ULK4: variants seen among roughly 807,000 people sequenced by gnomAD.
ULK4 encodes unc-51 like kinase 4.
In ULK4, 133 loss-of-function variants were observed where a neutral mutation model predicts 160.6. That is an observed-to-expected ratio of 0.83 (90% confidence interval 0.72 to 0.96). The LOEUF (loss-of-function observed/expected upper bound fraction) is 0.96, where lower values mean the gene tolerates loss of function less well. Among genes scored for constraint, ULK4 ranks in the 40% least tolerant of loss-of-function variants. The pLI is 0.00. For missense variants in ULK4, 1,580 were observed against 1,499.5 expected (o/e 1.05, Z -0.89); for synonymous variants, 534 against 539.8 (o/e 0.99, Z 0.15).
At chr3:41,870,936 T>C (rs1697066548) in intron 17 of ULK4, among the ~76,000 whole-genome samples, 1 of 152,160 alleles carries the variant, frequency 6.6e-6, no homozygotes, top group South Asian at 2.1e-4. Flanking sequence ...TGGGGGTGGT[T>C]TCCCTCATGC....
chr3:41,564,300 C>T (rs2087707891), intron 32 of ULK4, among the ~76,000 whole-genome samples: 1 of 152,026 alleles, frequency 6.6e-6, no homozygotes, highest in African/African-American at 2.4e-5. Flanking sequence ...CTGTCGGCCC[C>T]TTCTGGGAGG....
chr3:41,405,062 T>C lies in ULK4; in HGVS notation c.3493-6798A>G, dbSNP rs116937157. On this transcript the variant is annotated intron_variant, in intron 34 of 36. Transcript: ENST00000301831. ...CATGACGCCAAGGTTTGGGGTATCA[T>C]TGCTCCCGTCACCCAGGTACTGAAT... Among the ~76,000 whole-genome samples the C allele has an allele frequency of 2.4e-3, 367 of 152,292 alleles. 2 individuals carry two copies. The highest frequency in any genetic ancestry group is 0.015 in the East Asian group (77 of 5,176).
chr3:41,556,482 C>T (rs2087305384), intron 32 of ULK4, among the ~76,000 whole-genome samples: 2 of 122,838 alleles, frequency 1.6e-5, no homozygotes, highest in African/African-American at 6.0e-5. Flanking sequence ...AGAAACTCTA[C>T]CAAACTTTTT....
chr3:41,773,722 T>C (rs2039496002), intron 21 of ULK4, among the ~76,000 whole-genome samples: 2 of 152,166 alleles, frequency 1.3e-5, no homozygotes, highest in Admixed American at 1.3e-4. Flanking sequence ...AAAAAACGAC[T>C]TTCAAGTTCA....
intron 32 of ULK4, among the ~76,000 whole-genome samples, chr3:41,545,483 C>A (rs1260206358): frequency 6.6e-6 from 1 of 152,168 alleles, no homozygotes; most frequent in African/African-American, 2.4e-5. Flanking sequence ...TTATTTCTGA[C>A]AAGAGGTCAG....
chr3:41,256,528 C>T (rs758366427), intron 35 of ULK4, among the ~76,000 whole-genome samples: 2 of 152,052 alleles, frequency 1.3e-5, no homozygotes, highest in African/African-American at 2.4e-5. Flanking sequence ...CAAATGGATG[C>T]GCATATGCAT....
intron 21 of ULK4, among the ~76,000 whole-genome samples, chr3:41,772,867 C>T (rs2039446830): frequency 6.6e-6 from 1 of 152,188 alleles, no homozygotes; most frequent in African/African-American, 2.4e-5. Flanking sequence ...AAAAGCTTAT[C>T]CACCATGATC....
chr3:41,795,757 G>A (rs936581414), intron 20 of ULK4, among the ~76,000 whole-genome samples: 1 of 152,194 alleles, frequency 6.6e-6, no homozygotes, highest in Non-Finnish European at 1.5e-5. Flanking sequence ...TTCATTTTGT[G>A]TGGAGAATCA....
Position 41,819,604 on chromosome 3 carries a change from C to G in ULK4, c.1765-98G>C. ...GCACAGCTCCAAGTATACAAACTAT[C>G]TAAAACTTAATAGTCTATTTAAAGT... is the stretch of plus-strand genomic sequence containing the variant. On this transcript the variant is annotated intron_variant, in intron 18 of 36. Transcript: ENST00000301831. The G allele has an allele frequency of 3.0e-6, 3 of 1,002,862 alleles. No homozygotes were observed. In the South Asian group the frequency reaches 4.6e-5, roughly 15 times the overall value. 62.1% of individuals were successfully genotyped at this position (1,002,862 alleles called of 1,614,324 possible).
At chr3:41,744,149 G>A (rs931683896) in intron 22 of ULK4, among the ~76,000 whole-genome samples, 2 of 151,708 alleles carry the variant, frequency 1.3e-5, no homozygotes, top group Admixed American at 6.6e-5. Context: ...CCAAAGAAAG[G>A]TAAGTAAAGA....
intron 34 of ULK4, among the ~76,000 whole-genome samples, chr3:41,411,163 C>G (rs2082401442): frequency 6.6e-6 from 1 of 152,122 alleles, no homozygotes; most frequent in Non-Finnish European, 1.5e-5. Flanking sequence ...AAAACAAAAT[C>G]CTAAGGTCCC....
intron 27 of ULK4, among the ~76,000 whole-genome samples, chr3:41,683,482 G>A (rs2035989723): frequency 6.6e-6 from 1 of 151,556 alleles, no homozygotes; most frequent in African/African-American, 2.4e-5. Context: ...ACTGATGGAA[G>A]GCCACCTGAA....
intron 32 of ULK4, among the ~76,000 whole-genome samples, chr3:41,505,503 T>C (rs760559940): frequency 5.3e-5 from 8 of 152,322 alleles, no homozygotes; most frequent in South Asian, 2.1e-4. Flanking sequence ...ATGAATATCC[T>C]AATGTTCAGT....
intron 32 of ULK4, among the ~76,000 whole-genome samples, chr3:41,517,264 C>G (rs931073099): frequency 6.6e-6 from 1 of 152,154 alleles, no homozygotes. Context: ...TGATTTGAAT[C>G]TATCCATCCC....
chr3:41,907,912 G>T lies in ULK4; in HGVS notation c.1115C>A (p.Ala372Glu), dbSNP rs1698630990. ...SSRPTPRTSTAVEVSPGEDMT... is the reference protein window; with the variant it reads ...SSRPTPRTSTEVEVSPGEDMT... ...ATCCTCACCAGGACTTACTTCCACT[G>T]CAGTGCTAGTTCTGGGAGTAGGACG... The change falls in exon 12 of 37, where the codon GCA becomes GAA. Residue 372 changes from alanine (A) to glutamate (E), a missense_variant. Ala to Glu is a moderately radical substitution (Grantham distance 107, BLOSUM62 -1). Transcript: ENST00000301831. The T allele has an allele frequency of 1.9e-6, 3 of 1,607,852 alleles. No individual in the cohort carries two copies. The highest frequency in any genetic ancestry group is 3.4e-5 in the Admixed American group (2 of 59,004).
chr3:41,429,621 C>T (rs866673420), intron 34 of ULK4, among the ~76,000 whole-genome samples: 4 of 152,002 alleles, frequency 2.6e-5, no homozygotes, highest in African/African-American at 4.8e-5. Context: ...CCATTATCCT[C>T]GGCAAACTAA....
chr3:41,926,967 G>A (rs1673707447), intron 5 of ULK4, among the ~76,000 whole-genome samples: 1 of 152,084 alleles, frequency 6.6e-6, no homozygotes, highest in Non-Finnish European at 1.5e-5. Flanking sequence ...AGCAAGACAG[G>A]CCAACATTCA....
intron 32 of ULK4, among the ~76,000 whole-genome samples, chr3:41,511,333 G>C (rs966583886): frequency 1.1e-4 from 16 of 151,844 alleles, no homozygotes; most frequent in African/African-American, 3.9e-4. Context: ...AAATACAAAA[G>C]AGAAATGAAA....
intron 4 of ULK4, among the ~76,000 whole-genome samples, chr3:41,934,949 A>G (rs1183224949): frequency 3.3e-5 from 5 of 151,930 alleles, no homozygotes; most frequent in Non-Finnish European, 7.4e-5. Flanking sequence ...TCTGAAAGGG[A>G]GACTTCACAT....
Sources: gnomAD v4.1 joint callset for allele counts (sites outside exome capture counted in the v4.1 genomes callset) on GRCh38, gnomAD v4.1.1 for gene constraint, MANE v1.5 for transcripts, NCBI Gene and HGNC (gene_info 2026-07-23, HGNC 2026-07-21) for gene names.